L3HYPDH: variants seen among roughly 807,000 people sequenced by gnomAD.
The protein encoded by L3HYPDH is trans-3-hydroxy-L-proline dehydratase.
In L3HYPDH, 32 loss-of-function variants were observed where a neutral mutation model predicts 26.5. The observed-to-expected ratio is 1.21, with a 90% CI of 0.91 to 1.62. The LOEUF is 1.62. L3HYPDH is among the 40% of genes most tolerant of loss of function. L3HYPDH has a pLI of 0.00. For missense variants in L3HYPDH, 554 were observed against 476.4 expected (o/e 1.16, Z -1.52); for synonymous variants, 215 against 196.6 (o/e 1.09, Z -0.78).
the L3HYPDH span, among the ~76,000 whole-genome samples, chr14:59,502,762 T>TGTTTTTTTG: frequency 9.7e-5 from 13 of 133,656 alleles, no homozygotes; most frequent in East Asian, 2.1e-3. Flanking sequence ...TTTTTTTTTT[T>TGTTTTTTTG]TTTTTTTTTT....
chr14:59,501,572 T>C, the L3HYPDH span, among the ~76,000 whole-genome samples: 1 of 152,204 alleles, frequency 6.6e-6, no homozygotes, highest in African/African-American at 2.4e-5. Flanking sequence ...TTGAAACTTA[T>C]TAACAGTATT....
chr14:59,476,425 T>C lies in L3HYPDH; in HGVS notation c.679-211A>G, dbSNP rs532310827. Among the ~76,000 whole-genome samples the C allele has an allele frequency of 3.9e-5, 6 of 152,358 alleles. No homozygotes were observed. The East Asian group carries it at 1.2e-3, about 29-fold the overall frequency. On this transcript the variant is annotated intron_variant, in intron 2 of 4. Transcript: ENST00000247194. Reference sequence around the variant, plus strand: ...GCAATTTATAATTCTTATCATACTTTGAGTCCCTTCTAAGGAAGCTGTCCT... The same window carrying C: ...GCAATTTATAATTCTTATCATACTTCGAGTCCCTTCTAAGGAAGCTGTCCT...
At chr14:59,504,652 T>C in the L3HYPDH span, 2 of 152,748 alleles carry the variant, frequency 1.3e-5, no homozygotes, top group Non-Finnish European at 2.9e-5. Flanking sequence ...GGTTCAAGAT[T>C]TGTTTGGATT....
rs779773300 is a variant in L3HYPDH, at chr14:59,484,128, T to G, written c.189A>C (p.Arg63=). 1.2e-6 allele frequency: 2 copies of G among 1,602,678 alleles called. No individual in the cohort carries two copies. The highest frequency in any genetic ancestry group is 1.7e-6 in the Non-Finnish European group (2 of 1,179,090). Residue 63 remains arginine (R), a synonymous_variant, in exon 1 of 5, where the codon CGA becomes CGC. Transcript: ENST00000247194. ...YMRQHLDHVR[R]RLMFEPRGHR... ...GCCCTCGGGGCTCGAACATGAGCCG[T>G]CGCCGCACGTGGTCAAGGTGCTGGC... is the stretch of plus-strand genomic sequence containing the variant.
the L3HYPDH span, among the ~76,000 whole-genome samples, chr14:59,492,135 A>G: frequency 3.9e-5 from 6 of 152,326 alleles, no homozygotes; most frequent in East Asian, 1.9e-4. Flanking sequence ...ACTGCTACCT[A>G]TAAAGAAAGT....
chr14:59,487,817 G>A (rs780719088), upstream of L3HYPDH: 14 of 1,613,194 alleles, frequency 8.7e-6, 1 homozygote, highest in South Asian at 6.6e-5. Context: ...AATGGTACTC[G>A]GGGAAAAAGA....
chr14:59,485,145 A>C, upstream of L3HYPDH: 6 of 1,595,920 alleles, frequency 3.8e-6, 1 homozygote, highest in South Asian at 4.4e-5. Flanking sequence ...ATTTCAGTTC[A>C]GTTTATCATA....
chr14:59,485,324 G>T, upstream of L3HYPDH: 1 of 461,500 alleles, frequency 2.2e-6, no homozygotes, highest in Non-Finnish European at 3.6e-6. Context: ...AGAACATTGT[G>T]ATTACAATTG....
At chr14:59,480,616 T>G (rs966359741) in intron 1 of L3HYPDH, among the ~76,000 whole-genome samples, 2 of 152,216 alleles carry the variant, frequency 1.3e-5, no homozygotes, top group African/African-American at 4.8e-5. Context: ...TCCTGAGTTT[T>G]CATACAAGGT....
At chr14:59,501,089 G>T in the L3HYPDH span, 2 of 733,802 alleles carry the variant, frequency 2.7e-6, no homozygotes, top group East Asian at 2.8e-5. Flanking sequence ...AACTGGTTGA[G>T]AAAGGATTTG....
chr14:59,497,876 C>A, the L3HYPDH span, among the ~76,000 whole-genome samples: 20 of 152,090 alleles, frequency 1.3e-4, no homozygotes, highest in Non-Finnish European at 1.5e-5. Flanking sequence ...CTGCTGACTT[C>A]CTAGGACACT....
upstream of L3HYPDH, chr14:59,487,893 C>T: frequency 7.2e-7 from 1 of 1,390,922 alleles, no homozygotes; most frequent in Non-Finnish European, 1.0e-6. Context: ...CTCAGAAGAC[C>T]TTATTAAGTA....
chr14:59,483,375 A>T, intron 1 of L3HYPDH: 1 of 308,922 alleles, frequency 3.2e-6, no homozygotes, highest in Non-Finnish European at 4.9e-6. Flanking sequence ...TGAGGAAAGG[A>T]GACCAGGTTT....
chr14:59,495,296 G>T, the L3HYPDH span: 1 of 1,206,146 alleles, frequency 8.3e-7, no homozygotes, highest in Non-Finnish European at 1.2e-6. Flanking sequence ...ATTTTATGGC[G>T]TTTGGAGACA....
chr14:59,494,693 A>G, the L3HYPDH span, among the ~76,000 whole-genome samples: 3 of 152,196 alleles, frequency 2.0e-5, no homozygotes, highest in Non-Finnish European at 4.4e-5. Flanking sequence ...TATAATTACT[A>G]TACTTTCTAA....
chr14:59,482,995 G>T (rs1474294945), intron 1 of L3HYPDH, among the ~76,000 whole-genome samples: 1 of 152,224 alleles, frequency 6.6e-6, no homozygotes, highest in Non-Finnish European at 1.5e-5. Flanking sequence ...TGGTTATAGA[G>T]ATGCCCTGCT....
chr14:59,487,663 A>C (rs771604498), upstream of L3HYPDH: 1 of 1,604,700 alleles, frequency 6.2e-7, no homozygotes. Context: ...TATTGGTTTT[A>C]TATATTATAG....
chr14:59,487,556 C>A, upstream of L3HYPDH: 1 of 703,410 alleles, frequency 1.4e-6, no homozygotes, highest in Non-Finnish European at 2.4e-6. Context: ...TTTCTAAAAG[C>A]TGCACATGTA....
At chr14:59,489,457 A>T in the L3HYPDH span, among the ~76,000 whole-genome samples, 1 of 152,230 alleles carries the variant, frequency 6.6e-6, no homozygotes, top group Non-Finnish European at 1.5e-5. Flanking sequence ...AGACCTCATC[A>T]GCCTGGCCTT....
Sources: gnomAD v4.1 joint callset for allele counts (sites outside exome capture counted in the v4.1 genomes callset) on GRCh38, gnomAD v4.1.1 for gene constraint, MANE v1.5 for transcripts, NCBI Gene and HGNC (gene_info 2026-07-23, HGNC 2026-07-21) for gene names.